Variants in RP1 observed in about 807,000 individuals in gnomAD.
RP1 encodes oxygen-regulated protein 1.
Under a neutral mutation model 14.8 loss-of-function variants are expected in RP1, and 16 were observed. The observed-to-expected ratio is 1.08, with a 90% confidence interval of 0.73 to 1.65. The LOEUF is 1.65. RP1 is among the 40% of genes most tolerant of loss of function. The pLI, the probability that RP1 is intolerant of heterozygous loss-of-function variation, is 0.00. For synonymous variants in RP1, 876 were observed against 883.6 expected (o/e 0.99, Z 0.15); for missense variants, 2,631 against 2,535.0 (o/e 1.04, Z -0.81).
chr8:54,670,890 G>A (rs1485986224), intron 7 of RP1, among the ~76,000 whole-genome samples: 1 of 151,140 alleles, frequency 6.6e-6, no homozygotes, highest in Non-Finnish European at 1.5e-5. Context: ...ATACTGAGAT[G>A]TATGTATTGT....
At chr8:54,634,091 A>G (rs1215592552), downstream of RP1, among the ~76,000 whole-genome samples, 1 of 152,202 alleles carries the variant, frequency 6.6e-6, no homozygotes, top group African/African-American at 2.4e-5. Flanking sequence ...GAGGTTAAGA[A>G]GGATTCCATT....
At chr8:54,855,903 T>C (rs1812183851) in intron 26 of RP1, among the ~76,000 whole-genome samples, 1 of 149,322 alleles carries the variant, frequency 6.7e-6, no homozygotes, top group South Asian at 2.1e-4. Flanking sequence ...TGCATATTAG[T>C]ATAAGTATTT....
intron 12 of RP1, among the ~76,000 whole-genome samples, chr8:54,699,301 A>C (rs1807956182): frequency 6.6e-6 from 1 of 152,050 alleles, no homozygotes; most frequent in Non-Finnish European, 1.5e-5. Context: ...ACATTATACT[A>C]TGAATTTTCA....
At chr8:54,768,545 G>A (rs1021870542) in intron 22 of RP1, among the ~76,000 whole-genome samples, 1 of 152,182 alleles carries the variant, frequency 6.6e-6, no homozygotes, top group Non-Finnish European at 1.5e-5. Flanking sequence ...GAGAGTATGT[G>A]TAAGTGTGTG....
intron 5 of RP1, chr8:54,652,951 GTTGATA>G: frequency 1.1e-6 from 1 of 885,076 alleles, no homozygotes; most frequent in South Asian, 1.4e-5. Flanking sequence ...CCTATAATGA[GTTGATA>G]GAGTCCTGTA....
At chr8:54,573,249 A>G (rs956459246) in intron 1 of RP1, among the ~76,000 whole-genome samples, 2 of 152,168 alleles carry the variant, frequency 1.3e-5, no homozygotes, top group Non-Finnish European at 2.9e-5. Context: ...TGATGCACAG[A>G]CTTTATTTTC....
At chr8:54,727,720 G>A (rs1808691924) in intron 17 of RP1, among the ~76,000 whole-genome samples, 1 of 151,820 alleles carries the variant, frequency 6.6e-6, no homozygotes, top group Non-Finnish European at 1.5e-5. Context: ...TTAAATGTCA[G>A]ATGTTATAGG....
At chr8:54,814,052 T>C (rs1412465846) in intron 24 of RP1, among the ~76,000 whole-genome samples, 1 of 152,174 alleles carries the variant, frequency 6.6e-6, no homozygotes, top group Non-Finnish European at 1.5e-5. Flanking sequence ...GGATTTAAAA[T>C]AACTTATGTA....
chr8:54,789,822 C>T (rs1810417104), intron 24 of RP1, among the ~76,000 whole-genome samples: 1 of 152,184 alleles, frequency 6.6e-6, no homozygotes, highest in South Asian at 2.1e-4. Context: ...ACAGCAACAG[C>T]TCTGCATTAT....
intron 1 of RP1, among the ~76,000 whole-genome samples, chr8:54,578,443 A>G (rs775889090): frequency 2.1e-4 from 32 of 151,956 alleles, no homozygotes; most frequent in Non-Finnish European, 4.3e-4. Flanking sequence ...CTTGGCCTCA[A>G]GTGATCCTCC....
chr8:54,828,729 G>A (rs1428803247), intron 24 of RP1, among the ~76,000 whole-genome samples: 1 of 151,996 alleles, frequency 6.6e-6, no homozygotes, highest in Non-Finnish European at 1.5e-5. Context: ...GACTTGCAGT[G>A]CAGTAGGCTT....
Position 54,628,108 on chromosome 8 carries a change from A to G in RP1, c.4226A>G (p.Glu1409Gly). The G allele has an allele frequency of 1.9e-6, 3 of 1,614,062 alleles. No homozygotes were observed. Among genetic ancestry groups the G allele is most frequent in the Non-Finnish European group, 2.5e-6 (3 of 1,179,936 alleles). ...CTTTGCCTAAGTGAAAAAGAAGCAG[A>G]ACTTGATAAGAAACATAGTTCTCTA... Reference protein sequence around the residue: ...CGLCLSEKEAELDKKHSSLDD... With the variant: ...CGLCLSEKEAGLDKKHSSLDD... The change falls in exon 4 of 4, where the codon GAA (glutamate) becomes GGA (glycine). Residue 1409 changes from glutamate (E) to glycine (G), a missense_variant. Coordinates refer to ENST00000220676, the MANE Select transcript of RP1 (RefSeq NM_006269.2).
At chr8:54,857,088 C>T in exon 27 of RP1, 1 of 1,219,946 alleles carries the variant, frequency 8.2e-7, no homozygotes, top group Non-Finnish European at 1.0e-6. Context: ...TCTGATTAGT[C>T]ATGATGGAAC....
chr8:54,709,887 T>C (rs1305465597), intron 15 of RP1, among the ~76,000 whole-genome samples: 2 of 152,148 alleles, frequency 1.3e-5, no homozygotes, highest in Non-Finnish European at 1.5e-5. Flanking sequence ...TTACTCAAAA[T>C]ACTGTATTTA....
At chr8:54,615,326 G>A (rs76410119), upstream of RP1, among the ~76,000 whole-genome samples, 6 of 152,232 alleles carry the variant, frequency 3.9e-5, no homozygotes, top group East Asian at 1.2e-3. Context: ...GCTTGAACCT[G>A]GTCCTGTTTC....
rs529483683 is a variant in RP1 at position 54,818,426 on chromosome 8, T to C, written c.3616-19024T>C. 2.6e-5 allele frequency among the ~76,000 whole-genome samples: 4 copies of C among 152,308 alleles called. No homozygotes were observed. The South Asian group carries it at 8.3e-4, about 32-fold the overall frequency. ...AGAGATGCTATTTCATAAAAACCTA[T>C]CAGATTTATTTAGCTTGAGACTCTT... On this transcript the variant is annotated intron_variant, in intron 24 of 28. Coordinates refer to the RP1 transcript ENST00000637698.
intron 12 of RP1, chr8:54,697,082 G>A: frequency 6.4e-7 from 1 of 1,573,638 alleles, no homozygotes; most frequent in South Asian, 1.1e-5. Flanking sequence ...CAAGGAGATG[G>A]GCACACCTGG....
At chr8:54,596,004 T>A (rs560510900) in intron 1 of RP1, among the ~76,000 whole-genome samples, 1 of 152,320 alleles carries the variant, frequency 6.6e-6, no homozygotes, top group East Asian at 1.9e-4. Flanking sequence ...TTGTCTAAAT[T>A]AAAAATAAGT....
intron 1 of RP1, among the ~76,000 whole-genome samples, chr8:54,576,999 GTA>G (rs1804677351): frequency 6.6e-6 from 1 of 152,120 alleles, no homozygotes; most frequent in Non-Finnish European, 1.5e-5. Context: ...TTCTAAGAAT[GTA>G]TATATGAAAT....
Sources: gnomAD v4.1 joint callset for allele counts (sites outside exome capture counted in the v4.1 genomes callset) on GRCh38, gnomAD v4.1.1 for gene constraint, MANE v1.5 for transcripts, NCBI Gene and HGNC (gene_info 2026-07-23, HGNC 2026-07-21) for gene names.